PUM1: variants seen among roughly 807,000 people sequenced by gnomAD.
PUM1 encodes the protein pumilio RNA binding family member 1.
Under a neutral mutation model 131.8 loss-of-function variants are expected in PUM1, and 13 were observed. The ratio of observed to expected loss-of-function variants is 0.10; its 90% CI spans 0.06 to 0.16. PUM1 has a LOEUF of 0.16. Ranked by LOEUF, PUM1 falls within the 10% of genes least tolerant of loss-of-function variation. The pLI is 1.00. For missense variants in PUM1, 961 were observed against 1,512.4 expected (o/e 0.64, Z 6.05); for synonymous variants, 509 against 556.5 (o/e 0.91, Z 1.20).
At position 30,958,778 on chromosome 1, in the gene PUM1, T is replaced by C. The variant is rs188848959; in HGVS notation, c.2324-4797A>G. 2.3e-3 allele frequency among the ~76,000 whole-genome samples: 352 copies of C among 152,316 alleles called. 2 individuals are homozygous for C. Among genetic ancestry groups the C allele is most frequent in the African/African-American group, 7.9e-3 (328 of 41,564 alleles). On this transcript the variant is annotated intron_variant, in intron 14 of 21. Transcript: ENST00000426105. ...ATAAACCACAAATGAGAGTTACAGA[T>C]CTAGTTGTTAAGAAAATTCATATTT...
At chr1:31,059,832 T>A (rs1441799226) in intron 1 of PUM1, among the ~76,000 whole-genome samples, 1 of 151,852 alleles carries the variant, frequency 6.6e-6, no homozygotes, top group East Asian at 1.9e-4. Flanking sequence ...CAACTGACAG[T>A]TTTTAAATGA....
intron 3 of PUM1, 78 bp downstream of exon 3, chr1:31,028,718 T>C (rs993599522): frequency 4.4e-6 from 5 of 1,136,146 alleles, no homozygotes; most frequent in Middle Eastern, 1.9e-4. Flanking sequence ...GAGACTAGAT[T>C]TGGACACATT....
At chr1:31,002,484 C>A (rs2124503672) in intron 5 of PUM1, among the ~76,000 whole-genome samples, 1 of 152,258 alleles carries the variant, frequency 6.6e-6, no homozygotes, top group South Asian at 2.1e-4. Flanking sequence ...CATTTTTTGG[C>A]TGGCTAGGCT....
At chr1:30,964,571 C>T in intron 14 of PUM1, 103 bp downstream of exon 14, 1 of 976,598 alleles carries the variant, frequency 1.0e-6, no homozygotes, top group East Asian at 2.4e-5. Context: ...CAGGACACTT[C>T]TAGTATAAAG....
At chr1:30,948,882 A>C (rs1639804767) in intron 17 of PUM1, among the ~76,000 whole-genome samples, 1 of 152,238 alleles carries the variant, frequency 6.6e-6, no homozygotes, top group Admixed American at 6.5e-5. Flanking sequence ...ACTTGCTTCT[A>C]ATTACTTATA....
chr1:31,049,063 G>GT (rs1440492129), intron 2 of PUM1, among the ~76,000 whole-genome samples: 13 of 151,754 alleles, frequency 8.6e-5, no homozygotes, highest in Admixed American at 3.9e-4. Flanking sequence ...AAAATGAGCT[G>GT]GCATGATGGC....
intron 7 of PUM1, among the ~76,000 whole-genome samples, chr1:30,990,176 G>A (rs928619700): frequency 1.3e-5 from 2 of 152,224 alleles, no homozygotes. Flanking sequence ...AGGATGCACT[G>A]AGATATTATA....
intron 2 of PUM1, among the ~76,000 whole-genome samples, chr1:31,039,222 A>AAT (rs1557599537): frequency 2.7e-5 from 3 of 111,932 alleles, no homozygotes; most frequent in Middle Eastern, 4.1e-3. Context: ...CAAAAAAAAA[A>AAT]TTTTTTTTTT....
At chr1:31,064,385 G>T (rs1644434161) in intron 1 of PUM1, among the ~76,000 whole-genome samples, 2 of 152,068 alleles carry the variant, frequency 1.3e-5, no homozygotes, top group South Asian at 4.1e-4. Context: ...CCCAGATAAA[G>T]AATCAACAGC....
rs541223493 is a variant in PUM1, at chr1:30,974,259, A to T, written c.1506+392T>A. ...TCCAATCCAATAGGTACTACAAATA[A>T]GCAGTCTAAAAATCTAGTACCCCTG... On this transcript the variant is annotated intron_variant, in intron 10 of 21. Coordinates refer to ENST00000426105, the MANE Select transcript of PUM1 (RefSeq NM_001020658.2). Among the ~76,000 whole-genome samples the T allele has an allele frequency of 7.2e-5, 11 of 152,350 alleles. No individual in the cohort carries two copies. The South Asian group carries it at 2.3e-3, about 32-fold the overall frequency.
intron 2 of PUM1, among the ~76,000 whole-genome samples, chr1:31,042,478 A>T (rs1262254732): frequency 6.6e-6 from 1 of 152,148 alleles, no homozygotes; most frequent in East Asian, 1.9e-4. Flanking sequence ...TCATCAGGGG[A>T]AAAAAGCTAA....
At chr1:30,966,558 T>C (rs1000511293) in intron 12 of PUM1, among the ~76,000 whole-genome samples, 51 of 152,324 alleles carry the variant, frequency 3.3e-4, no homozygotes, top group African/African-American at 1.1e-3. Flanking sequence ...ATCCATTAAA[T>C]ACAACTACTT....
intron 3 of PUM1, among the ~76,000 whole-genome samples, chr1:31,023,735 C>A (rs780731097): frequency 2.2e-5 from 3 of 137,306 alleles, no homozygotes; most frequent in Admixed American, 7.4e-5. Flanking sequence ...TAGAGACCAT[C>A]CTGGCCAACA....
chr1:30,968,242 A>G lies in PUM1; in HGVS notation c.1645+112T>C, dbSNP rs184759162. The G allele has an allele frequency of 8.9e-6, 13 of 1,467,750 alleles. No individual in the cohort carries two copies. In the East Asian group the frequency reaches 1.8e-4, roughly 21 times the overall value. The allele number at this position is 1,467,750 out of a possible 1,614,324, so 90.9% of individuals were successfully genotyped here. On this transcript the variant is annotated intron_variant, in intron 11 of 21. Coordinates refer to ENST00000426105, the MANE Select transcript of PUM1 (RefSeq NM_001020658.2). ...TGTGTATCATCCTTGCCAGTCCCCA[A>G]ATCATGACAAGCCTAAGCAAGGTGA...
chr1:31,060,408 C>T (rs892372065), intron 1 of PUM1, among the ~76,000 whole-genome samples: 7 of 151,930 alleles, frequency 4.6e-5, no homozygotes, highest in African/African-American at 1.7e-4. Context: ...TTGCAGTGAG[C>T]CGAGATCATG....
chr1:30,987,357 C>T (rs546865376), intron 7 of PUM1, among the ~76,000 whole-genome samples: 8 of 152,108 alleles, frequency 5.3e-5, no homozygotes, highest in Non-Finnish European at 1.0e-4. Context: ...CTACCACGCC[C>T]GGCTAATTTT....
intron 14 of PUM1, among the ~76,000 whole-genome samples, chr1:30,960,250 A>G (rs1640349828): frequency 6.6e-6 from 1 of 152,214 alleles, no homozygotes; most frequent in Admixed American, 6.5e-5. Context: ...GAGCATCCTA[A>G]TATGAAAATC....
chr1:31,005,810 AG>A (rs1240425937), intron 5 of PUM1, 42 bp downstream of exon 5: 4 of 1,521,546 alleles, frequency 2.6e-6, no homozygotes, highest in South Asian at 2.6e-5. Context: ...AGAGAGAGAG[AG>A]AGAGAGAGAG....
At chr1:31,064,595 ATCTTAT>A (rs1212427684) in intron 1 of PUM1, among the ~76,000 whole-genome samples, 6 of 152,110 alleles carry the variant, frequency 3.9e-5, no homozygotes, top group African/African-American at 9.7e-5. Context: ...GCTTCATAAA[ATCTTAT>A]TCTTAATTAA....
Sources: allele counts gnomAD v4.1 joint callset (sites outside exome capture counted in the v4.1 genomes callset), GRCh38; gene constraint gnomAD v4.1.1; transcripts MANE v1.5; gene names NCBI Gene and HGNC (gene_info 2026-07-23, HGNC 2026-07-21).